The following ARHGEF4 variants were observed in gnomAD, a reference collection of about 807,000 sequenced individuals.
ARHGEF4 encodes the protein APC-stimulated guanine nucleotide exchange factor 1.
Under a neutral mutation model 162.0 loss-of-function variants are expected in ARHGEF4, and 119 were observed. The ratio of observed to expected loss-of-function variants is 0.73; its 90% CI spans 0.63 to 0.86. ARHGEF4 has a LOEUF of 0.86. Among genes scored for constraint, ARHGEF4 ranks in the 40% least tolerant of loss-of-function variants. The pLI is 0.00. For synonymous variants in ARHGEF4, 1,014 were observed against 979.9 expected, an observed-to-expected ratio of 1.03 and a Z score of -0.65; for missense variants, 2,488 against 2,456.0, an observed-to-expected ratio of 1.01 and a Z score of -0.28.
chr2:130,983,306 G>A (rs955567400), intron 4 of ARHGEF4, among the ~76,000 whole-genome samples: 6 of 152,136 alleles, frequency 3.9e-5, no homozygotes, highest in African/African-American at 1.4e-4. Context: ...TTAACTACAT[G>A]GGCATTGTCA....
Position 130,898,979 on chromosome 2 carries a change from G to A in ARHGEF4, c.40-15007G>A, listed in dbSNP as rs1680325678. On this transcript the variant is annotated intron_variant, in intron 1 of 13. Coordinates refer to ENST00000409359, the MANE Select transcript of ARHGEF4 (RefSeq NM_001367493.1). ...CTCATATTCCCAGCTTCTTGCCCGAGCGTGGAATTCTCTATTGTAGCATCA... is the reference window on the plus strand; with the variant it reads ...CTCATATTCCCAGCTTCTTGCCCGAACGTGGAATTCTCTATTGTAGCATCA... 2.0e-5 allele frequency among the ~76,000 whole-genome samples: 3 copies of A among 152,098 alleles called. No individual in the cohort carries two copies. The South Asian group carries it at 6.2e-4, about 32-fold the overall frequency.
intron 4 of ARHGEF4, among the ~76,000 whole-genome samples, chr2:131,027,303 A>G: frequency 6.6e-6 from 1 of 152,330 alleles, no homozygotes; most frequent in East Asian, 1.9e-4. Flanking sequence ...GGATCCCTTT[A>G]GACAAGGTCA....
chr2:130,964,867 A>G (rs1684902605), intron 4 of ARHGEF4, among the ~76,000 whole-genome samples: 1 of 152,186 alleles, frequency 6.6e-6, no homozygotes, highest in Non-Finnish European at 1.5e-5. Context: ...ATCTACCTGG[A>G]GGGCCTAATT....
chr2:130,991,559 GC>G (rs1419532189), intron 4 of ARHGEF4, among the ~76,000 whole-genome samples: 1 of 152,238 alleles, frequency 6.6e-6, no homozygotes. Flanking sequence ...GGCCCTGCCG[GC>G]CCCGGGCAAT....
At chr2:130,844,352 G>A (rs1287996687) in intron 1 of ARHGEF4, among the ~76,000 whole-genome samples, 2 of 152,138 alleles carry the variant, frequency 1.3e-5, no homozygotes, top group African/African-American at 2.4e-5. Flanking sequence ...CGGCCCTCAC[G>A]TTGCCCTGTT....
At chr2:130,988,662 A>G (rs942582125) in intron 4 of ARHGEF4, among the ~76,000 whole-genome samples, 1 of 151,986 alleles carries the variant, frequency 6.6e-6, no homozygotes, top group African/African-American at 2.4e-5. Context: ...TTAATAATAT[A>G]TTGTGGGATT....
At chr2:130,943,023 ATTTC>A (rs1683403771) in intron 3 of ARHGEF4, among the ~76,000 whole-genome samples, 1 of 152,012 alleles carries the variant, frequency 6.6e-6, no homozygotes. Flanking sequence ...GTTTTTGTCT[ATTTC>A]TTCTATTGAT....
chr2:130,915,918 G>A lies in ARHGEF4; in HGVS notation c.1972G>A (p.Asp658Asn). 1.3e-6 allele frequency: 2 copies of A among 1,550,580 alleles called. No homozygotes were observed. Among genetic ancestry groups the A allele is most frequent in the Non-Finnish European group, 1.7e-6 (2 of 1,146,990 alleles). The change falls in exon 2 of 14, where the codon GAC becomes AAC. Residue 658 changes from aspartate (D) to asparagine (N), a missense_variant. This residue lies in a region of ARHGEF4 where 1,642 missense variants were observed against 1,481.5 expected (regional missense o/e 1.11). Coordinates refer to ENST00000409359, the MANE Select transcript of ARHGEF4 (RefSeq NM_001367493.1). ...GCCTGTTCCAGAAACACTGCCCCGT[G>A]ACTTTCCTAAGGAAAGACCAGAATC... ...AGPVPETLPR[D>N]FPKERPESPL...
intron 4 of ARHGEF4, among the ~76,000 whole-genome samples, chr2:130,962,299 G>A (rs943993167): frequency 1.3e-5 from 2 of 151,530 alleles, no homozygotes; most frequent in Non-Finnish European, 1.5e-5. Flanking sequence ...AGAGTGACCA[G>A]GAAAGGCACT....
At chr2:130,970,306 A>T (rs1435151929) in intron 4 of ARHGEF4, among the ~76,000 whole-genome samples, 1 of 152,176 alleles carries the variant, frequency 6.6e-6, no homozygotes, top group Non-Finnish European at 1.5e-5. Flanking sequence ...AAGCCATTCT[A>T]GGTTGGGCAT....
At chr2:130,958,219 G>C (rs947318802) in intron 4 of ARHGEF4, among the ~76,000 whole-genome samples, 1 of 152,118 alleles carries the variant, frequency 6.6e-6, no homozygotes, top group Non-Finnish European at 1.5e-5. Flanking sequence ...TGGCTGAGAG[G>C]TGTAGGGAGA....
intron 4 of ARHGEF4, among the ~76,000 whole-genome samples, chr2:130,985,139 A>T (rs970549123): frequency 5.9e-5 from 9 of 152,252 alleles, no homozygotes; most frequent in Non-Finnish European, 1.0e-4. Context: ...TTGGATGTAG[A>T]GGTGCTTCTA....
At position 130,915,052 on chromosome 2, in the gene ARHGEF4, A is replaced by C; in HGVS notation, c.1106A>C (p.Asn369Thr). Residue 369 changes from asparagine (N) to threonine (T), a missense_variant, in exon 2 of 14, where the codon AAT (asparagine) becomes ACT (threonine). Physicochemically the swap from Asn to Thr is moderately conservative, Grantham distance 65. Transcript: ENST00000409359. ...ACCCATGTGAAGGAAGGGGCCAAAA[A>C]TGAACGAGATCCAAGAATACAAAAC... Reference protein sequence around the residue: ...SGTHVKEGAKNERDPRIQNIP... With the variant: ...SGTHVKEGAKTERDPRIQNIP... The C allele has an allele frequency of 6.4e-7, 1 of 1,550,684 alleles. No individual in the cohort carries two copies. The highest frequency in any genetic ancestry group is 8.7e-7 in the Non-Finnish European group (1 of 1,147,016).
chr2:130,983,657 A>AT lies in ARHGEF4; in HGVS notation c.3985+37032dup, dbSNP rs955565009. Among the ~76,000 whole-genome samples the AT allele has an allele frequency of 2.7e-4, 41 of 149,402 alleles. 1 individual carries two copies. In the South Asian group the frequency reaches 4.4e-3, roughly 16 times the overall value. ...ATTTTTATTTTATTTTATTTATTTA[A>AT]TTTTTTTTTTGAGATGGAGTCTTGC... On this transcript the variant is annotated intron_variant, in intron 4 of 13. Transcript: ENST00000409359.
At chr2:130,873,683 G>T (rs1359964007) in intron 1 of ARHGEF4, among the ~76,000 whole-genome samples, 1 of 152,100 alleles carries the variant, frequency 6.6e-6, no homozygotes, top group Non-Finnish European at 1.5e-5. Context: ...CCAGTTAGTG[G>T]CTAGCGGCTT....
At chr2:130,891,215 G>C (rs148556613) in intron 1 of ARHGEF4, among the ~76,000 whole-genome samples, 2 of 152,338 alleles carry the variant, frequency 1.3e-5, no homozygotes, top group East Asian at 3.9e-4. Context: ...ACTAGGACAA[G>C]ATTAAGCAGA....
rs980444423 is a variant in ARHGEF4, at chr2:130,917,378, T to G, written c.3432T>G (p.Ser1144Arg). Residue 1144 changes from serine (S) to arginine (R), a missense_variant, in exon 2 of 14, where the codon AGT becomes AGG. This residue lies in a region of ARHGEF4 where 1,642 missense variants were observed against 1,481.5 expected (regional missense o/e 1.11). Coordinates refer to ENST00000409359, the MANE Select transcript of ARHGEF4 (RefSeq NM_001367493.1). ...ERPKIPKGQT[S>R]FLLSLQTLNQ... ...CCAAGATTCCCAAGGGCCAGACCAG[T>G]TTCCTGCTTTCTCTGCAGACGCTAA... is the stretch of plus-strand genomic sequence containing the variant. 1.9e-6 allele frequency: 3 copies of G among 1,550,456 alleles called. No homozygotes were observed. Among genetic ancestry groups the G allele is most frequent in the Non-Finnish European group, 2.6e-6 (3 of 1,147,008 alleles).
chr2:130,969,523 C>T (rs1204299146), intron 4 of ARHGEF4, among the ~76,000 whole-genome samples: 2 of 151,592 alleles, frequency 1.3e-5, no homozygotes, highest in African/African-American at 2.4e-5. Flanking sequence ...GGCATGAATC[C>T]GGGAGGTGGA....
intron 1 of ARHGEF4, among the ~76,000 whole-genome samples, chr2:130,870,654 T>C (rs1678411484): frequency 6.6e-6 from 1 of 151,776 alleles, no homozygotes; most frequent in Non-Finnish European, 1.5e-5. Flanking sequence ...ACCAAGGTCT[T>C]CCATCCCTGG....
Sources: allele counts gnomAD v4.1 joint callset (sites outside exome capture counted in the v4.1 genomes callset), GRCh38; gene constraint gnomAD v4.1.1; regional missense constraint gnomAD v4.1.1; transcripts MANE v1.5; gene names NCBI Gene and HGNC (gene_info 2026-07-23, HGNC 2026-07-21).